Variants in SNX2 observed in about 807,000 individuals in gnomAD.
SNX2 encodes sorting nexin-2.
A neutral mutation model predicts 69.9 loss-of-function variants in SNX2; 25 were observed. The observed-to-expected ratio is 0.36, with a 90% confidence interval of 0.26 to 0.50. The LOEUF is 0.50. SNX2 is among the 20% of genes least tolerant of loss of function. The pLI is 0.97. For missense variants in SNX2, 551 were observed against 613.3 expected (o/e 0.90, Z 1.07); for synonymous variants, 229 against 200.4 (o/e 1.14, Z -1.20).
intron 12 of SNX2, 29 bp downstream of exon 12, chr5:122,826,222 C>T: frequency 6.3e-7 from 1 of 1,584,364 alleles, no homozygotes; most frequent in Non-Finnish European, 8.6e-7. Flanking sequence ...AATCTCTTTA[C>T]TTAAGTTTTG....
intron 7 of SNX2, among the ~76,000 whole-genome samples, chr5:122,810,430 G>GTAGA (rs1753746428): frequency 6.7e-6 from 1 of 150,028 alleles, no homozygotes. Flanking sequence ...AAGAATAAAG[G>GTAGA]TAGATAATGG....
Position 122,832,113 on chromosome 5 carries a change from T to C in SNX2, c.*2465T>C, listed in dbSNP as rs183124540. Among the ~76,000 whole-genome samples the C allele has an allele frequency of 2.0e-3, 298 of 152,346 alleles. No individual in the cohort carries two copies. Among genetic ancestry groups the C allele is most frequent in the Non-Finnish European group, 3.1e-3 (213 of 68,020 alleles). ...TCTTTTCATTGGATAGGTCTGAGTT[T>C]AGCGTTTGTTTGTTTTCTTAATGAG... On this transcript the variant is annotated 3_prime_UTR_variant, in exon 15 of 15. Transcript: ENST00000379516.
chr5:122,833,160 T>A lies in SNX2; in HGVS notation c.*3512T>A, dbSNP rs559582186. On this transcript the variant is annotated 3_prime_UTR_variant, in exon 15 of 15. Coordinates refer to ENST00000379516, the MANE Select transcript of SNX2 (RefSeq NM_003100.4). ...ATGTAAAATCAGAATCAAATAATTA[T>A]CATTCCTAACCCTCACAGTGAAGGA... 1.2e-4 allele frequency: 18 copies of A among 152,294 alleles called. No individual in the cohort carries two copies. Among genetic ancestry groups the A allele is most frequent in the African/African-American group, 3.8e-4 (16 of 41,560 alleles). 9.4% of individuals were successfully genotyped at this position (152,294 alleles called of 1,614,324 possible).
At chr5:122,800,261 A>C (rs540189096) in intron 3 of SNX2, among the ~76,000 whole-genome samples, 1 of 152,330 alleles carries the variant, frequency 6.6e-6, no homozygotes, top group African/African-American at 2.4e-5. Context: ...TATATCAGTT[A>C]AAGGTACATT....
At chr5:122,778,500 T>C (rs1752902694) in intron 1 of SNX2, among the ~76,000 whole-genome samples, 1 of 152,100 alleles carries the variant, frequency 6.6e-6, no homozygotes, top group South Asian at 2.1e-4. Context: ...TTTTTGACTT[T>C]TTATTTATTT....
chr5:122,792,319 C>T (rs1037862127), intron 1 of SNX2, among the ~76,000 whole-genome samples: 1 of 152,166 alleles, frequency 6.6e-6, no homozygotes, highest in Non-Finnish European at 1.5e-5. Flanking sequence ...AACTGTTGGG[C>T]GCAGTGGCTC....
intron 2 of SNX2, among the ~76,000 whole-genome samples, chr5:122,797,886 A>T (rs539759404): frequency 6.6e-6 from 1 of 152,202 alleles, no homozygotes; most frequent in African/African-American, 2.4e-5. Flanking sequence ...TTATATATAT[A>T]TGTTGAATCT....
intron 11 of SNX2, among the ~76,000 whole-genome samples, chr5:122,820,678 A>T (rs2150015917): frequency 6.6e-6 from 1 of 152,256 alleles, no homozygotes. Flanking sequence ...GTGTTACTGT[A>T]TTTCCTGAAA....
chr5:122,803,758 AATC>A (rs1402389446), intron 6 of SNX2, 145 bp downstream of exon 6: 3 of 586,914 alleles, frequency 5.1e-6, no homozygotes, highest in Non-Finnish European at 8.7e-6. Flanking sequence ...CATTTATACT[AATC>A]ATGCATGGAT....
rs1753802705 is a variant in SNX2 at position 122,812,496 on chromosome 5, A to G, written c.723-3400A>G. On this transcript the variant is annotated intron_variant, in intron 7 of 14. Transcript: ENST00000379516. ...TTCGTATGTTCAAATAACATCTTTC[A>G]AGTGAAGCCTATTCCAGTCATTGGC... is the stretch of plus-strand genomic sequence containing the variant. Among the ~76,000 whole-genome samples, 3 of 152,304 alleles carry G rather than the reference A, an allele frequency of 2.0e-5. No individual in the cohort carries two copies. The Middle Eastern group carries it at 0.01, about 518-fold the overall frequency.
intron 7 of SNX2, among the ~76,000 whole-genome samples, chr5:122,809,310 C>T (rs531470870): frequency 6.6e-6 from 1 of 152,236 alleles, no homozygotes; most frequent in South Asian, 2.1e-4. Context: ...AACCAGTCCC[C>T]CACTGGTACT....
At chr5:122,806,073 C>T (rs1753635652) in intron 6 of SNX2, among the ~76,000 whole-genome samples, 1 of 149,344 alleles carries the variant, frequency 6.7e-6, no homozygotes, top group Non-Finnish European at 1.5e-5. Context: ...AGCCACCGCG[C>T]CTGGCCTGTT....
In SNX2 at chr5:122,808,354, A is replaced by T; in HGVS notation, c.721A>T (p.Arg241Trp). The change falls in exon 7 of 15, where the codon AGG (arginine) becomes TGG (tryptophan). Residue 241 changes from arginine (R) to tryptophan (W), a missense_variant and splice_region_variant. Arg to Trp is a moderately radical substitution (Grantham distance 101). Around this residue, in one of 2 missense-constraint regions of SNX2, gnomAD observed 360 missense variants for 450.4 expected, o/e 0.80. Transcript: ENST00000379516. Reference protein sequence around the residue: ...FVEKRRAALERYLQRTVKHPT... With the variant: ...FVEKRRAALEWYLQRTVKHPT... Reference sequence around the variant, plus strand: ...AGAAAAACGGAGAGCAGCTCTTGAAAGGTAATTCTAGACAGCTATATTTTA... The same window carrying T: ...AGAAAAACGGAGAGCAGCTCTTGAATGGTAATTCTAGACAGCTATATTTTA... 1.3e-6 allele frequency: 2 copies of T among 1,596,378 alleles called. No individual in the cohort carries two copies. The highest frequency in any genetic ancestry group is 8.6e-7 in the Non-Finnish European group (1 of 1,166,448).
intron 2 of SNX2, 96 bp downstream of exon 2, chr5:122,795,479 A>G: frequency 1.2e-6 from 1 of 809,926 alleles, no homozygotes; most frequent in Non-Finnish European, 2.0e-6. Context: ...TTCTGTGTAA[A>G]GTGTTAGTGG....
At chr5:122,780,664 G>C (rs369808179) in intron 1 of SNX2, among the ~76,000 whole-genome samples, 1 of 150,916 alleles carries the variant, frequency 6.6e-6, no homozygotes, top group East Asian at 2.0e-4. Flanking sequence ...CTGCCTCCCA[G>C]GTTCAAGCGA....
intron 1 of SNX2, among the ~76,000 whole-genome samples, chr5:122,777,796 A>C (rs1334245095): frequency 1.3e-5 from 2 of 152,232 alleles, no homozygotes; most frequent in Non-Finnish European, 2.9e-5. Flanking sequence ...CAGGATAATT[A>C]GCTTATCCAT....
rs962470044 is a variant in SNX2, at chr5:122,826,309, T to C, written c.1356+116T>C. On this transcript the variant is annotated intron_variant, in intron 12 of 14. Transcript: ENST00000379516. ...AACACGTAGCTATTTTTGCATATTT[T>C]TATGAACTGTGTTAGAATTACTTTA... The C allele has an allele frequency of 1.1e-5, 9 of 848,582 alleles. No individual in the cohort carries two copies. The Admixed American group carries it at 2.7e-4, about 26-fold the overall frequency. The allele number at this position is 848,582 out of a possible 1,614,324, so 52.6% of individuals were successfully genotyped here.
rs77064484 is a variant in SNX2, at chr5:122,826,752, A to G, written c.1356+559A>G. On this transcript the variant is annotated intron_variant, in intron 12 of 14. Transcript: ENST00000379516. ...TGGGAAAAATATCATTTCATTGCTTAAATCTTCAGTTATTTTAGTTGTTTC... is the reference window on the plus strand; with the variant it reads ...TGGGAAAAATATCATTTCATTGCTTGAATCTTCAGTTATTTTAGTTGTTTC... 5.4e-3 allele frequency: 2,090 copies of G among 390,454 alleles called. 46 individuals carry two copies. Among genetic ancestry groups the G allele is most frequent in the African/African-American group, 0.044 (1,997 of 45,770 alleles). The allele number at this position is 390,454 out of a possible 1,614,324, so 24.2% of individuals were successfully genotyped here. A position where few individuals can be genotyped will look rare whatever the true frequency, so the allele number is the denominator to read the frequency against.
chr5:122,781,756 A>G (rs930040765), intron 1 of SNX2, among the ~76,000 whole-genome samples: 2 of 152,180 alleles, frequency 1.3e-5, no homozygotes, highest in Non-Finnish European at 1.5e-5. Flanking sequence ...TAGGAATTTT[A>G]TGAACTAGTT....
Sources: gnomAD v4.1 joint callset for allele counts (sites outside exome capture counted in the v4.1 genomes callset) on GRCh38, gnomAD v4.1.1 for gene constraint, gnomAD v4.1.1 regional missense constraint, MANE v1.5 for transcripts, NCBI Gene and HGNC (gene_info 2026-07-23, HGNC 2026-07-21) for gene names.